CACNA1C: variants seen among roughly 807,000 people sequenced by gnomAD.
CACNA1C encodes the protein calcium voltage-gated channel subunit alpha1 C.
A neutral mutation model predicts 229.0 loss-of-function variants in CACNA1C; 30 were observed. The observed-to-expected ratio is 0.13, with a 90% confidence interval of 0.10 to 0.18. The LOEUF is 0.18. Among genes scored for constraint, CACNA1C ranks in the 10% least tolerant of loss-of-function variants. The probability of loss-of-function intolerance (pLI) is 1.00; values close to 1 mark genes in which losing one functional copy is unlikely to be tolerated. For synonymous variants in CACNA1C, 1,114 were observed against 1,132.5 expected (o/e 0.98, Z 0.33); for missense variants, 1,658 against 2,845.0 (o/e 0.58, Z 9.49).
At chr12:2,010,053 T>C (rs1319364507) in intron 1 of CACNA1C, among the ~76,000 whole-genome samples, 8 of 152,174 alleles carry the variant, frequency 5.3e-5, no homozygotes, top group African/African-American at 1.7e-4. Context: ...TTATTATTAG[T>C]TTCATGACCA....
chr12:2,210,516 C>G (rs2097887795), intron 3 of CACNA1C, among the ~76,000 whole-genome samples: 1 of 152,162 alleles, frequency 6.6e-6, no homozygotes. Context: ...AACCTGAAGT[C>G]TGGGAAATTG....
At chr12:2,422,583 C>A (rs1234907194) in intron 3 of CACNA1C, among the ~76,000 whole-genome samples, 1 of 152,138 alleles carries the variant, frequency 6.6e-6, no homozygotes, top group Non-Finnish European at 1.5e-5. Flanking sequence ...TCTGAGATAA[C>A]CCCAGCATAA....
chr12:2,151,153 C>T (rs767882615), intron 3 of CACNA1C, among the ~76,000 whole-genome samples: 9 of 152,160 alleles, frequency 5.9e-5, no homozygotes, highest in South Asian at 2.1e-4. Flanking sequence ...AACTCAACTC[C>T]GTAGAAATCA....
intron 1 of CACNA1C, among the ~76,000 whole-genome samples, chr12:2,007,946 A>G (rs989714996): frequency 5.3e-5 from 8 of 151,960 alleles, no homozygotes; most frequent in African/African-American, 1.9e-4. Flanking sequence ...TTACATATAC[A>G]TTTTTTTCCA....
intron 3 of CACNA1C, among the ~76,000 whole-genome samples, chr12:2,372,056 G>A (rs965092826): frequency 6.6e-6 from 1 of 152,104 alleles, no homozygotes; most frequent in Non-Finnish European, 1.5e-5. Flanking sequence ...TTGGTTGGTT[G>A]TTTATCATTT....
intron 1 of CACNA1C, among the ~76,000 whole-genome samples, chr12:2,064,552 C>T (rs1313751600): frequency 6.6e-6 from 1 of 152,212 alleles, no homozygotes; most frequent in Admixed American, 6.5e-5. Context: ...AGCAGCTTCC[C>T]AGGGCTCTCA....
intron 3 of CACNA1C, among the ~76,000 whole-genome samples, chr12:2,314,276 A>T (rs1412533670): frequency 2.0e-5 from 3 of 152,174 alleles, no homozygotes; most frequent in Admixed American, 6.5e-5. Flanking sequence ...ACCCAGGATA[A>T]CATTTCTATC....
chr12:2,123,660 T>C (rs1225177855), intron 3 of CACNA1C, among the ~76,000 whole-genome samples: 5 of 152,170 alleles, frequency 3.3e-5, no homozygotes. Context: ...CTTGGCCGGG[T>C]TGATGGCATT....
At chr12:2,401,865 C>T (rs1286901717) in intron 3 of CACNA1C, among the ~76,000 whole-genome samples, 1 of 152,212 alleles carries the variant, frequency 6.6e-6, no homozygotes, top group Admixed American at 6.5e-5. Context: ...TCCTTTTGTA[C>T]ACTTCTGAAC....
intron 13 of CACNA1C, among the ~76,000 whole-genome samples, chr12:2,571,379 C>T (rs992051884): frequency 1.3e-5 from 2 of 152,166 alleles, no homozygotes; most frequent in Non-Finnish European, 2.9e-5. Context: ...TCTACTTGCT[C>T]CTCCTGGGGT....
intron 1 of CACNA1C, among the ~76,000 whole-genome samples, chr12:1,987,624 C>T (rs1452907345): frequency 2.0e-5 from 3 of 152,116 alleles, no homozygotes; most frequent in Non-Finnish European, 4.4e-5. Flanking sequence ...ATTTAAATCC[C>T]TTTCCCATAT....
intron 3 of CACNA1C, among the ~76,000 whole-genome samples, chr12:2,297,172 C>G (rs751183959): frequency 5.9e-5 from 9 of 152,214 alleles, no homozygotes; most frequent in Non-Finnish European, 1.2e-4. Context: ...GTCCTGTCAG[C>G]CTACCGTCCA....
chr12:2,604,177 A>G (rs215988), intron 22 of CACNA1C, among the ~76,000 whole-genome samples: 36,583 of 152,110 alleles, frequency 0.24, 4,966 homozygotes, highest in African/African-American at 0.37. Context: ...GCTGGCTTTG[A>G]GGAAACGGGG....
At chr12:2,138,351 G>A (rs1016677347) in intron 3 of CACNA1C, among the ~76,000 whole-genome samples, 2 of 151,236 alleles carry the variant, frequency 1.3e-5, no homozygotes, top group African/African-American at 4.8e-5. Context: ...TGTGGCCTGT[G>A]CTTGCAGATG....
chr12:2,507,756 G>A (rs776252368), intron 8 of CACNA1C, among the ~76,000 whole-genome samples: 1 of 152,210 alleles, frequency 6.6e-6, no homozygotes, highest in Non-Finnish European at 1.5e-5. Flanking sequence ...AGCTCACCAG[G>A]CAAAATGACC....
chr12:2,120,154 C>T lies in CACNA1C; in HGVS notation c.372-171C>T, dbSNP rs112561512. Among the ~76,000 whole-genome samples, 1,090 of 152,298 alleles carry T rather than the reference C, an allele frequency of 7.2e-3. 17 individuals carry two copies. Among genetic ancestry groups the T allele is most frequent in the African/African-American group, 0.024 (1,016 of 41,548 alleles). ...ATTAGGGAAAATTTTGGCGGGGACCCACTAGAAGCACTTAAAAAGGCATAT... is the reference window on the plus strand; with the variant it reads ...ATTAGGGAAAATTTTGGCGGGGACCTACTAGAAGCACTTAAAAAGGCATAT... On this transcript the variant is annotated intron_variant, in intron 2 of 46. Transcript: ENST00000399655.
intron 34 of CACNA1C, chr12:2,659,815 A>C (rs942388828): frequency 4.6e-5 from 7 of 152,174 alleles, no homozygotes; most frequent in Non-Finnish European, 8.8e-5. Flanking sequence ...TTAAAAAAAA[A>C]CACAACAACA....
intron 3 of CACNA1C, among the ~76,000 whole-genome samples, chr12:2,175,922 G>T (rs1319051329): frequency 6.6e-6 from 1 of 152,136 alleles, no homozygotes; most frequent in Admixed American, 6.5e-5. Flanking sequence ...GCTATATGCT[G>T]GGTATCGTTC....
Position 2,666,872 on chromosome 12 carries a change from C to A in CACNA1C, c.4623+90C>A. On this transcript the variant is annotated intron_variant, in intron 37 of 46. Coordinates refer to ENST00000399655, the MANE Select transcript of CACNA1C (RefSeq NM_000719.7). This position sits in a 1 kb window ranked among gnomAD's most constrained non-coding sequence, Gnocchi z 5.3. The stretch of plus-strand genomic sequence containing the variant: ...GTGATCCTTTAAGGGAATGAACATA[C>A]TAGTTTATGTGCCTAAAGATTACAT... 1 of 786,616 alleles carries A rather than the reference C, an allele frequency of 1.3e-6. No individual in the cohort carries two copies. The highest frequency in any genetic ancestry group is 2.7e-5 in the East Asian group (1 of 37,394). The allele number at this position is 786,616 out of a possible 1,614,324, so 48.7% of individuals were successfully genotyped here.
Sources: gnomAD v4.1 joint callset for allele counts (sites outside exome capture counted in the v4.1 genomes callset) on GRCh38, gnomAD v4.1.1 for gene constraint, Gnocchi (gnomAD v3.1) non-coding constraint, MANE v1.5 for transcripts, NCBI Gene and HGNC (gene_info 2026-07-23, HGNC 2026-07-21) for gene names.